Variants in KIF4B observed in about 807,000 individuals in gnomAD.
KIF4B encodes the protein chromosome-associated kinesin KIF4B.
KIF4B carries 60 observed loss-of-function variants against 69.0 expected under a neutral mutation model. That is an observed-to-expected ratio of 0.87 (90% CI 0.71 to 1.08). KIF4B has a LOEUF of 1.08. Among genes scored for constraint, KIF4B ranks in the 50% least tolerant of loss-of-function variants. KIF4B has a pLI of 0.00. For missense variants in KIF4B, 1,357 were observed against 1,451.9 expected, an observed-to-expected ratio of 0.93 and a Z score of 1.06; for synonymous variants, 489 against 533.0, an observed-to-expected ratio of 0.92 and a Z score of 1.14.
Position 155,015,242 on chromosome 5 carries a change from A to G in KIF4B, c.1383A>G (p.Glu461=), listed in dbSNP as rs753558771. ...VETLEDQELK[E]NVEIICNLQQ... ...CTTTGGAAGACCAGGAATTGAAAGA[A>G]AATGTAGAGATAATTTGTAACCTGC... is the stretch of plus-strand genomic sequence containing the variant. The change falls in exon 1 of 1, where the codon GAA becomes GAG. Residue 461 remains glutamate (E), a synonymous_variant. Coordinates refer to ENST00000435029, the MANE Select transcript of KIF4B (RefSeq NM_001099293.3). 6.2e-7 allele frequency: 1 copy of G among 1,614,250 alleles called. No individual in the cohort carries two copies. The highest frequency in any genetic ancestry group is 8.5e-7 in the Non-Finnish European group (1 of 1,180,044).
chr5:155,017,085 A>G lies in KIF4B; in HGVS notation c.3226A>G (p.Lys1076Glu). The G allele has an allele frequency of 6.2e-7, 1 of 1,614,080 alleles. No individual in the cohort carries two copies. ...EGDDEEWKPT[K>E]LVKVSRKNIQ... ...GGATGATGAGGAATGGAAGCCAACA[A>G]AATTAGTCAAGGTGTCCAGGAAGAA... The change falls in exon 1 of 1, where the codon AAA becomes GAA. Residue 1076 changes from lysine to glutamate, a missense_variant. Lys to Glu is a moderately conservative substitution (Grantham distance 56). Coordinates refer to ENST00000435029, the MANE Select transcript of KIF4B (RefSeq NM_001099293.3).
rs1765284505 is a variant in KIF4B at position 155,014,278 on chromosome 5, A to T, written c.419A>T (p.Tyr140Phe). Residue 140 changes from tyrosine (Y) to phenylalanine (F), a missense_variant, in exon 1 of 1, where the codon TAC becomes TTC. Tyr to Phe is a conservative substitution (Grantham distance 22). Coordinates refer to ENST00000435029, the MANE Select transcript of KIF4B (RefSeq NM_001099293.3). The stretch of plus-strand genomic sequence containing the variant: ...TTTGAATTTACTCTGAAAGTGTCTT[A>T]CTTAGAGATTTACAATGAAGAAATT... ...SDFEFTLKVS[Y>F]LEIYNEEILD... 6.2e-7 allele frequency: 1 copy of T among 1,614,244 alleles called. No homozygotes were observed. Among genetic ancestry groups the T allele is most frequent in the Non-Finnish European group, 8.5e-7 (1 of 1,180,060 alleles).
In KIF4B at chr5:155,014,187, C is replaced by A. The variant is rs912153040; in HGVS notation, c.328C>A (p.Pro110Thr). 6.2e-7 allele frequency: 1 copy of A among 1,614,104 alleles called. No homozygotes were observed. Among genetic ancestry groups the A allele is most frequent in the Non-Finnish European group, 8.5e-7 (1 of 1,180,056 alleles). Residue 110 changes from proline to threonine, a missense_variant, in exon 1 of 1, where the codon CCA becomes ACA. Coordinates refer to ENST00000435029, the MANE Select transcript of KIF4B (RefSeq NM_001099293.3). ...ATACACTGCGGAGCAGGAGAATGAA[C>A]CAACAGTTGGCATTATTCCTAGGGT... is the stretch of plus-strand genomic sequence containing the variant. The part of the protein sequence containing the change: ...GAYTAEQENE[P>T]TVGIIPRVIQ...
Position 155,017,546 on chromosome 5 carries a change from C to T in KIF4B, c.3687C>T (p.Ile1229=), listed in dbSNP as rs145343633. The T allele has an allele frequency of 3.4e-3, 5,556 of 1,612,780 alleles. 303 individuals carry two copies. In the East Asian group the frequency reaches 0.11, roughly 33 times the overall value. The change falls in exon 1 of 1, where the codon ATC becomes ATT. Residue 1229 remains isoleucine, a synonymous_variant. Transcript: ENST00000435029. ...NTSFFSGCSP[I]EEEAH ...GCTTCTTCTCTGGCTGCTCCCCTATCGAAGAAGAGGCCCACTGAAGTTGGA... is the reference window on the plus strand; with the variant it reads ...GCTTCTTCTCTGGCTGCTCCCCTATTGAAGAAGAGGCCCACTGAAGTTGGA...
Position 155,017,457 on chromosome 5 carries a change from A to G in KIF4B, c.3598A>G (p.Thr1200Ala), listed in dbSNP as rs367642845. ...FDLPESKHGA[T>A]EYQQNKPPGK... ...CCTCCCAGAGTCGAAACATGGAGCA[A>G]CAGAATACCAACAAAATAAGCCTCC... The change falls in exon 1 of 1, where the codon ACA (threonine) becomes GCA (alanine). Residue 1200 changes from threonine (T) to alanine (A), a missense_variant. Physicochemically the swap from Thr to Ala is moderately conservative, Grantham distance 58. Transcript: ENST00000435029. 17 of 1,614,042 alleles carry G rather than the reference A, an allele frequency of 1.1e-5. No individual in the cohort carries two copies. In the African/African-American group the frequency reaches 2.1e-4, roughly 20 times the overall value.
chr5:155,017,436 C>T lies in KIF4B; in HGVS notation c.3577C>T (p.Pro1193Ser), dbSNP rs1765350196. 1.2e-6 allele frequency: 2 copies of T among 1,614,140 alleles called. No individual in the cohort carries two copies. Among genetic ancestry groups the T allele is most frequent in the Non-Finnish European group, 1.7e-6 (2 of 1,180,016 alleles). The change falls in exon 1 of 1, where the codon CCA becomes TCA. Residue 1193 changes from proline to serine, a missense_variant. Pro to Ser is a moderately conservative substitution (Grantham distance 74). Coordinates refer to ENST00000435029, the MANE Select transcript of KIF4B (RefSeq NM_001099293.3). ...TCCAGCTCCCTCCCCTTTTGACCTC[C>T]CAGAGTCGAAACATGGAGCAACAGA... is the stretch of plus-strand genomic sequence containing the variant. ...TAPAPSPFDL[P>S]ESKHGATEYQ...
At position 155,017,115 on chromosome 5, in the gene KIF4B, C is replaced by T; in HGVS notation, c.3256C>T (p.Gln1086Ter). 6.2e-7 allele frequency: 1 copy of T among 1,614,100 alleles called. No homozygotes were observed. Among genetic ancestry groups the T allele is most frequent in the Non-Finnish European group, 8.5e-7 (1 of 1,180,010 alleles). ...AGTCAAGGTGTCCAGGAAGAACATCCAAGGGTGTTCCTGCAAGGGCTGGTG... is the reference window on the plus strand; with the variant it reads ...AGTCAAGGTGTCCAGGAAGAACATCTAAGGGTGTTCCTGCAAGGGCTGGTG... ...KLVKVSRKNI[Q>*]GCSCKGWCGN... The change falls in exon 1 of 1, where the codon CAA becomes TAA. Residue 1086 changes from glutamine to a stop codon, truncating the protein, a stop_gained. Coordinates refer to ENST00000435029, the MANE Select transcript of KIF4B (RefSeq NM_001099293.3). LOFTEE classifies it low-confidence loss of function (END_TRUNC).
In KIF4B at chr5:155,015,369, A is replaced by G; in HGVS notation, c.1510A>G (p.Thr504Ala). 1 of 1,614,232 alleles carries G rather than the reference A, an allele frequency of 6.2e-7. No individual in the cohort carries two copies. The highest frequency in any genetic ancestry group is 8.5e-7 in the Non-Finnish European group (1 of 1,180,034). ...AGCTCAAGTGGAAACCAGTCCAGAG[A>G]CAAGCAGGTCTTCTGACGCTTTTAC... ...EEAQVETSPE[T>A]SRSSDAFTTQ... The change falls in exon 1 of 1, where the codon ACA becomes GCA. Residue 504 changes from threonine (T) to alanine (A), a missense_variant. Coordinates refer to ENST00000435029, the MANE Select transcript of KIF4B (RefSeq NM_001099293.3).
Position 155,017,255 on chromosome 5 carries a change from T to C in KIF4B, c.3396T>C (p.Val1132=), listed in dbSNP as rs567009644. 2.5e-6 allele frequency: 4 copies of C among 1,614,166 alleles called. No homozygotes were observed. The South Asian group carries it at 4.4e-5, about 18-fold the overall frequency. The part of the protein sequence containing the change: ...RQQGKDSLGT[V]EQTQDSEGSF... ...AAGGCAAGGATAGCTTGGGCACTGT[T>C]GAACAGACCCAGGATTCCGAAGGCT... Residue 1132 remains valine, a synonymous_variant, in exon 1 of 1, where the codon GTT becomes GTC. Coordinates refer to ENST00000435029, the MANE Select transcript of KIF4B (RefSeq NM_001099293.3).
rs1369603847 is a variant in KIF4B at position 155,015,520 on chromosome 5, A to C, written c.1661A>C (p.Gln554Pro). 1 of 1,614,218 alleles carries C rather than the reference A, an allele frequency of 6.2e-7. No homozygotes were observed. The highest frequency in any genetic ancestry group is 1.7e-5 in the Admixed American group (1 of 60,032). Residue 554 changes from glutamine (Q) to proline (P), a missense_variant, in exon 1 of 1, where the codon CAG (glutamine) becomes CCG (proline). Transcript: ENST00000435029. ...AACGACAACCAACTACAGCCCATTCAGTTTCAATACCAGGATAACATAAAA... is the reference window on the plus strand; with the variant it reads ...AACGACAACCAACTACAGCCCATTCCGTTTCAATACCAGGATAACATAAAA... Reference protein sequence around the residue: ...TQNDNQLQPIQFQYQDNIKNL... With the variant: ...TQNDNQLQPIPFQYQDNIKNL...
chr5:155,015,338 A>G lies in KIF4B; in HGVS notation c.1479A>G (p.Glu493=). The part of the protein sequence containing the change: ...CTAAAIDTAV[E]EEAQVETSPE... The stretch of plus-strand genomic sequence containing the variant: ...CTGCAGCCATTGATACTGCGGTAGA[A>G]GAAGAAGCTCAAGTGGAAACCAGTC... Residue 493 remains glutamate (E), a synonymous_variant, in exon 1 of 1, where the codon GAA becomes GAG. Transcript: ENST00000435029. The G allele has an allele frequency of 6.2e-7, 1 of 1,614,238 alleles. No individual in the cohort carries two copies. The highest frequency in any genetic ancestry group is 8.5e-7 in the Non-Finnish European group (1 of 1,180,032).
chr5:155,016,339 T>A lies in KIF4B; in HGVS notation c.2480T>A (p.Met827Lys). The A allele has an allele frequency of 2.5e-6, 4 of 1,614,168 alleles. No homozygotes were observed. Among genetic ancestry groups the A allele is most frequent in the Non-Finnish European group, 3.4e-6 (4 of 1,180,042 alleles). Residue 827 changes from methionine (M) to lysine (K), a missense_variant, in exon 1 of 1, where the codon ATG becomes AAG. Transcript: ENST00000435029. ...CAGATTGAAAGCCTAGAGACTGAAA[T>A]GGAACTCAGGAGTGCTCAGATTGCT... ...TKQIESLETE[M>K]ELRSAQIADL...
chr5:155,016,735 T>C lies in KIF4B; in HGVS notation c.2876T>C (p.Leu959Pro), dbSNP rs148448511. 706 of 1,614,150 alleles carry C rather than the reference T, an allele frequency of 4.4e-4. 6 individuals carry two copies. The African/African-American group carries it at 8.1e-3, about 18-fold the overall frequency. The change falls in exon 1 of 1, where the codon CTG becomes CCG. Residue 959 changes from leucine (L) to proline (P), a missense_variant. Transcript: ENST00000435029. ...EKSASEKEQQ[L>P]VSTLQCQDEE... ...TCAGCCAGTGAAAAGGAACAACAGCTGGTGAGCACACTGCAGTGTCAGGAT... is the reference window on the plus strand; with the variant it reads ...TCAGCCAGTGAAAAGGAACAACAGCCGGTGAGCACACTGCAGTGTCAGGAT...
Position 155,014,981 on chromosome 5 carries a change from T to C in KIF4B, c.1122T>C (p.Pro374=). The change falls in exon 1 of 1, where the codon CCT becomes CCC. Residue 374 remains proline (P), a synonymous_variant. Coordinates refer to ENST00000435029, the MANE Select transcript of KIF4B (RefSeq NM_001099293.3). ...LLLQAHGGTL[P]GSINAEPSEN... ...TACAAGCCCATGGAGGTACCCTGCCTGGATCTATAAATGCAGAACCATCAG... is the reference window on the plus strand; with the variant it reads ...TACAAGCCCATGGAGGTACCCTGCCCGGATCTATAAATGCAGAACCATCAG... The C allele has an allele frequency of 1.2e-6, 2 of 1,614,250 alleles. No individual in the cohort carries two copies. The highest frequency in any genetic ancestry group is 1.7e-6 in the Non-Finnish European group (2 of 1,180,044).
At position 155,014,416 on chromosome 5, in the gene KIF4B, A is replaced by G. The variant is rs1434885713; in HGVS notation, c.557A>G (p.Asp186Gly). Residue 186 changes from aspartate (D) to glycine (G), a missense_variant, in exon 1 of 1, where the codon GAT becomes GGT. Physicochemically the swap from Asp to Gly is moderately conservative, Grantham distance 94. Coordinates refer to ENST00000435029, the MANE Select transcript of KIF4B (RefSeq NM_001099293.3). ...GAGAAGACTGTTTTAGTTGCCTTGG[A>G]TACTGTTTCCTGTTTGGAGCAGGGC... ...LTEKTVLVAL[D>G]TVSCLEQGNN... is the part of the protein sequence containing the mutation. 5 of 1,614,074 alleles carry G rather than the reference A, an allele frequency of 3.1e-6. No individual in the cohort carries two copies. Among genetic ancestry groups the G allele is most frequent in the Non-Finnish European group, 4.2e-6 (5 of 1,180,050 alleles).
chr5:155,014,669 G>C lies in KIF4B; in HGVS notation c.810G>C (p.Leu270Phe), dbSNP rs755190949. 1.3e-4 allele frequency: 216 copies of C among 1,613,952 alleles called. No individual in the cohort carries two copies. Among genetic ancestry groups the C allele is most frequent in the Admixed American group, 7.5e-4 (45 of 59,992 alleles). The change falls in exon 1 of 1, where the codon TTG becomes TTC. Residue 270 changes from leucine to phenylalanine, a missense_variant. Physicochemically the swap from Leu to Phe is conservative, Grantham distance 22. Transcript: ENST00000435029. ...GININRGLLC[L>F]GNVISALGDD... ...ATATTAACCGAGGCCTCCTATGCTTGGGAAATGTAATCAGTGCTCTTGGAG... is the reference window on the plus strand; with the variant it reads ...ATATTAACCGAGGCCTCCTATGCTTCGGAAATGTAATCAGTGCTCTTGGAG...
rs1484102790 is a variant in KIF4B, at chr5:155,015,819, A to C, written c.1960A>C (p.Met654Leu). The C allele has an allele frequency of 4.3e-6, 7 of 1,614,250 alleles. No homozygotes were observed. Among genetic ancestry groups the C allele is most frequent in the Non-Finnish European group, 5.9e-6 (7 of 1,180,042 alleles). Residue 654 changes from methionine to leucine, a missense_variant, in exon 1 of 1, where the codon ATG becomes CTG. Transcript: ENST00000435029. ...CCAGCGGGTACAGTTAATGCGTCAA[A>C]TGAAAGAGGATGCTGAGAAGTTTAG... ...KNQRVQLMRQ[M>L]KEDAEKFRQW...
In KIF4B at chr5:155,017,051, TG is replaced by T; in HGVS notation, c.3193del (p.Asp1065MetfsTer13). Reference sequence around the variant, plus strand: ...AAGATGGTGATGGTGATGGCGACAGTGATGAGGGGGATGATGAGGAATGGAA... The same window carrying T: ...AAGATGGTGATGGTGATGGCGACAGTATGAGGGGGATGATGAGGAATGGAA... ...HEDGDGDGDS[D>X]EGDDEEWKPT... On this transcript the variant is annotated frameshift_variant, in exon 1 of 1. Coordinates refer to ENST00000435029, the MANE Select transcript of KIF4B (RefSeq NM_001099293.3). LOFTEE classifies it low-confidence loss of function (END_TRUNC). 1 of 1,614,014 alleles carries T rather than the reference TG, an allele frequency of 6.2e-7. No homozygotes were observed. Among genetic ancestry groups the T allele is most frequent in the Non-Finnish European group, 8.5e-7 (1 of 1,179,992 alleles).
Position 155,014,528 on chromosome 5 carries a change from A to G in KIF4B, c.669A>G (p.Arg223=), listed in dbSNP as rs763646568. 2.5e-6 allele frequency: 4 copies of G among 1,614,110 alleles called. No homozygotes were observed. The highest frequency in any genetic ancestry group is 1.1e-5 in the South Asian group (1 of 91,076). ...TCTTTACAATCTCCATAGAGCAAAGAAAGAAAAGTGACAAGAATTGCAGCT... is the reference window on the plus strand; with the variant it reads ...TCTTTACAATCTCCATAGAGCAAAGGAAGAAAAGTGACAAGAATTGCAGCT... ...HAIFTISIEQ[R]KKSDKNCSFR... The change falls in exon 1 of 1, where the codon AGA becomes AGG. Residue 223 remains arginine, a synonymous_variant. Coordinates refer to ENST00000435029, the MANE Select transcript of KIF4B (RefSeq NM_001099293.3).
Sources: gnomAD v4.1 joint callset for allele counts on GRCh38, gnomAD v4.1.1 for gene constraint, MANE v1.5 for transcripts, NCBI Gene and HGNC (gene_info 2026-07-23, HGNC 2026-07-21) for gene names.